Variants in ESRRG observed in about 807,000 individuals in gnomAD.
ESRRG encodes the protein estrogen related receptor gamma.
ESRRG carries 13 observed loss-of-function variants against 44.0 expected under a neutral mutation model. The observed-to-expected ratio is 0.30, with a 90% CI of 0.19 to 0.47. The LOEUF is 0.47. Ranked by LOEUF, ESRRG falls within the 20% of genes least tolerant of loss-of-function variation. The pLI is 1.00. For missense variants in ESRRG, 395 were observed against 580.6 expected (o/e 0.68, Z 3.29); for synonymous variants, 215 against 214.6 (o/e 1.00, Z -0.02).
chr1:216,557,476 G>A (rs1478241954), intron 5 of ESRRG, among the ~76,000 whole-genome samples: 1 of 152,136 alleles, frequency 6.6e-6, no homozygotes, highest in African/African-American at 2.4e-5. Flanking sequence ...TATACTATGT[G>A]TCTAAGTATC....
chr1:217,018,880 C>T (rs773796613), intron 1 of ESRRG, among the ~76,000 whole-genome samples: 31 of 152,086 alleles, frequency 2.0e-4, no homozygotes, highest in Non-Finnish European at 4.3e-4. Context: ...CAATTACTTG[C>T]TATAATTATG....
chr1:216,578,512 G>A (rs867672908), intron 3 of ESRRG, among the ~76,000 whole-genome samples: 18 of 152,162 alleles, frequency 1.2e-4, no homozygotes, highest in African/African-American at 3.9e-4. Flanking sequence ...TCAATTGTAA[G>A]TCTTAGTAGA....
intron 1 of ESRRG, among the ~76,000 whole-genome samples, chr1:216,986,379 G>C (rs149158723): frequency 1.4e-4 from 21 of 152,188 alleles, no homozygotes; most frequent in Non-Finnish European, 2.5e-4. Flanking sequence ...GTATAGAGAC[G>C]TAAACATGTG....
chr1:216,981,476 G>A (rs984411096), intron 1 of ESRRG, among the ~76,000 whole-genome samples: 18 of 152,082 alleles, frequency 1.2e-4, no homozygotes, highest in Admixed American at 2.0e-4. Flanking sequence ...ATGAGGAGCC[G>A]ATGAAGCAAT....
rs772255042 is a variant in ESRRG, at chr1:216,744,800, A to T, written c.-13-67309T>A. On this transcript the variant is annotated intron_variant, in intron 2 of 7. Transcript: ENST00000359162. ...CATTGAAGCTACATCAGCCTTCATG[A>T]TGTCGTCTGACTAGGTTTTCTCAAG... Among the ~76,000 whole-genome samples, 5 of 152,246 alleles carry T rather than the reference A, an allele frequency of 3.3e-5. No individual in the cohort carries two copies. The South Asian group carries it at 1.0e-3, about 32-fold the overall frequency.
At chr1:216,966,253 A>C (rs1167471527) in intron 1 of ESRRG, among the ~76,000 whole-genome samples, 1 of 152,192 alleles carries the variant, frequency 6.6e-6, no homozygotes, top group Non-Finnish European at 1.5e-5. Context: ...TCTTAAGGGA[A>C]GAATCATGTT....
intron 6 of ESRRG, among the ~76,000 whole-genome samples, chr1:216,514,742 C>T (rs922462795): frequency 5.3e-5 from 8 of 152,080 alleles, no homozygotes; most frequent in African/African-American, 1.9e-4. Flanking sequence ...CAGCTTTCTT[C>T]GCATACCTGT....
chr1:216,881,732 T>A lies in ESRRG; in HGVS notation c.-14+57850A>T, dbSNP rs188070872. 1.1e-3 allele frequency among the ~76,000 whole-genome samples: 166 copies of A among 152,268 alleles called. 1 individual carries two copies. The highest frequency in any genetic ancestry group is 3.7e-3 in the African/African-American group (155 of 41,542). ...ATAATCCGACGTTAAGGAAGCCAGA[T>A]GTGTACTACACAAATATATGAAAGG... On this transcript the variant is annotated intron_variant, in intron 2 of 7. Transcript: ENST00000359162.
intron 1 of ESRRG, among the ~76,000 whole-genome samples, chr1:216,976,493 T>A (rs564430256): frequency 8.5e-5 from 13 of 152,308 alleles, no homozygotes; most frequent in Non-Finnish European, 1.3e-4. Flanking sequence ...TTATTAAGTT[T>A]ACCTTCAGCA....
chr1:216,790,081 GACC>G (rs1313659787), intron 2 of ESRRG, among the ~76,000 whole-genome samples: 1 of 152,112 alleles, frequency 6.6e-6, no homozygotes, highest in Non-Finnish European at 1.5e-5. Context: ...AGACCAATGA[GACC>G]TTCAAAGTCA....
intron 3 of ESRRG, among the ~76,000 whole-genome samples, chr1:216,632,720 T>C (rs978052019): frequency 6.6e-6 from 1 of 152,122 alleles, no homozygotes; most frequent in Admixed American, 6.5e-5. Flanking sequence ...TTTAGGTTTT[T>C]TTATTTTTTT....
chr1:216,678,528 T>A (rs180839749), intron 1 of ESRRG, among the ~76,000 whole-genome samples: 1 of 152,198 alleles, frequency 6.6e-6, no homozygotes, highest in African/African-American at 2.4e-5. Flanking sequence ...TGATGAAACA[T>A]CTAATCTGAC....
At chr1:217,033,324 C>T (rs1454422363) in intron 1 of ESRRG, among the ~76,000 whole-genome samples, 3 of 152,224 alleles carry the variant, frequency 2.0e-5, no homozygotes, top group Non-Finnish European at 2.9e-5. Flanking sequence ...CCTACCTTAA[C>T]TATCACTGAT....
At chr1:216,763,901 A>C (rs1210077130) in intron 2 of ESRRG, among the ~76,000 whole-genome samples, 1 of 152,194 alleles carries the variant, frequency 6.6e-6, no homozygotes, top group Non-Finnish European at 1.5e-5. Flanking sequence ...ACTTATGAGA[A>C]TATTTAGCAC....
At position 216,814,119 on chromosome 1, in the gene ESRRG, GA is replaced by G. The variant is rs1007868130; in HGVS notation, c.-14+125462del. 7.3e-5 allele frequency among the ~76,000 whole-genome samples: 11 copies of G among 150,854 alleles called. No homozygotes were observed. In the East Asian group the frequency reaches 1.6e-3, roughly 21 times the overall value. On this transcript the variant is annotated intron_variant, in intron 2 of 7. Transcript: ENST00000359162. ...AAAAGGCTTAAGTCCTTGGTCATGG[GA>G]AAAAAAAAAATGATGCTTCTCTCCC...
At chr1:216,990,037 G>A (rs1018481093) in intron 1 of ESRRG, among the ~76,000 whole-genome samples, 2 of 152,044 alleles carry the variant, frequency 1.3e-5, no homozygotes, top group East Asian at 1.9e-4. Flanking sequence ...GAAACACTGA[G>A]AAATTCTCCG....
chr1:216,929,924 C>T (rs2063111098), intron 2 of ESRRG, among the ~76,000 whole-genome samples: 1 of 152,126 alleles, frequency 6.6e-6, no homozygotes, highest in African/African-American at 2.4e-5. Context: ...GAAACCGTAC[C>T]TGATTTCCAG....
rs546745349 is a variant in ESRRG at position 216,798,820 on chromosome 1, C to T, written c.-13-121329G>A. ...TCTTTACAAGCGGGATAATAATACACCTACCTATGGAGCTGTTGTGGAGTA... is the reference window on the plus strand; with the variant it reads ...TCTTTACAAGCGGGATAATAATACATCTACCTATGGAGCTGTTGTGGAGTA... On this transcript the variant is annotated intron_variant, in intron 2 of 7. Coordinates refer to the ESRRG transcript ENST00000359162. 2.0e-5 allele frequency among the ~76,000 whole-genome samples: 3 copies of T among 152,238 alleles called. No homozygotes were observed. The South Asian group carries it at 6.2e-4, about 32-fold the overall frequency.
At position 216,932,786 on chromosome 1, in the gene ESRRG, T is replaced by C. The variant is rs2063556312; in HGVS notation, c.-14+6796A>G. Reference sequence around the variant, plus strand: ...TCTTGCTACATTATGCAGCCAGGTATCAAACTCCTGGCCTCAAGCAATCCT... The same window carrying C: ...TCTTGCTACATTATGCAGCCAGGTACCAAACTCCTGGCCTCAAGCAATCCT... On this transcript the variant is annotated intron_variant, in intron 2 of 7. Coordinates refer to the ESRRG transcript ENST00000359162. 5.0e-5 allele frequency among the ~76,000 whole-genome samples: 7 copies of C among 140,474 alleles called. No individual in the cohort carries two copies. In the South Asian group the frequency reaches 1.7e-3, roughly 35 times the overall value. 92.2% of individuals were successfully genotyped at this position (140,474 alleles called of 152,430 possible).
Sources: allele counts gnomAD v4.1 joint callset (sites outside exome capture counted in the v4.1 genomes callset), GRCh38; gene constraint gnomAD v4.1.1; transcripts MANE v1.5; gene names NCBI Gene and HGNC (gene_info 2026-07-23, HGNC 2026-07-21).